TNPO2: variants seen among roughly 807,000 people sequenced by gnomAD.
The protein encoded by TNPO2 is transportin-2.
A neutral mutation model predicts 111.1 loss-of-function variants in TNPO2; 16 were observed. The ratio of observed to expected loss-of-function variants is 0.14; its 90% CI spans 0.10 to 0.22. TNPO2 has a LOEUF of 0.22. Ranked by LOEUF, TNPO2 falls within the 10% of genes least tolerant of loss-of-function variation. The pLI is 1.00. For synonymous variants in TNPO2, 481 were observed against 475.8 expected (o/e 1.01, Z -0.14); for missense variants, 530 against 1,173.7 (o/e 0.45, Z 8.01).
chr19:12,714,376 G>A (rs139690189), intron 10 of TNPO2, among the ~76,000 whole-genome samples: 1,568 of 149,434 alleles, frequency 0.01, 29 homozygotes, highest in African/African-American at 0.037. Flanking sequence ...GCAGTGGCAC[G>A]ACCTTGGCTC....
Position 12,721,826 on chromosome 19 carries a change from CG to C in TNPO2, c.-13-837del, listed in dbSNP as rs1966978722. On this transcript the variant is annotated intron_variant, in intron 2 of 25. Transcript: ENST00000425528. This position sits in a 1 kb window ranked among gnomAD's most constrained non-coding sequence, Gnocchi z 4.9. ...CCCTGTCAGCAGTAACCCCTGCTGA[CG>C]GATCTCTGTTGCCTCTCCCAGTCAA... The C allele has an allele frequency of 1.3e-5, 2 of 153,766 alleles. No individual in the cohort carries two copies. The highest frequency in any genetic ancestry group is 2.9e-5 in the Non-Finnish European group (2 of 68,936). 9.5% of individuals were successfully genotyped at this position (153,766 alleles called of 1,614,324 possible). A position where few individuals can be genotyped will look rare whatever the true frequency, so the allele number is the denominator to read the frequency against.
Position 12,705,525 on chromosome 19 carries a change from G to A in TNPO2, c.1830C>T (p.Val610=). 2 of 1,603,558 alleles carry A rather than the reference G, an allele frequency of 1.2e-6. No individual in the cohort carries two copies. The highest frequency in any genetic ancestry group is 1.7e-6 in the Non-Finnish European group (2 of 1,175,718). ...GAGCCAGTGTCTTCTGCACCAGGGT[G>A]ACACAGCGCTGGTAGACGGGCTCAC... ...PYCEPVYQRC[V]TLVQKTLAQA... Residue 610 remains valine, a synonymous_variant, in exon 17 of 26, where the codon GTC becomes GTT. Coordinates refer to ENST00000425528, the MANE Select transcript of TNPO2 (RefSeq NM_001382241.1). This position sits in a 1 kb window ranked among gnomAD's most constrained non-coding sequence, Gnocchi z 7.2.
chr19:12,716,326 C>CA (rs1053866820), intron 5 of TNPO2, among the ~76,000 whole-genome samples: 15 of 151,798 alleles, frequency 9.9e-5, no homozygotes, highest in African/African-American at 3.1e-4. Context: ...GATAAATTAG[C>CA]AAAAAAAACT....
chr19:12,711,047 A>G (rs1039871829), intron 12 of TNPO2, among the ~76,000 whole-genome samples: 3 of 152,042 alleles, frequency 2.0e-5, no homozygotes, highest in Admixed American at 2.0e-4. Flanking sequence ...GGCGCCCGAC[A>G]CCACGCCCGA....
chr19:12,717,268 C>CTTTT (rs554725285), intron 5 of TNPO2, among the ~76,000 whole-genome samples: 12 of 122,374 alleles, frequency 9.8e-5, no homozygotes, highest in Non-Finnish European at 1.0e-4. Flanking sequence ...CTTTTTCTCT[C>CTTTT]TTTTTTTTTT....
chr19:12,720,823 T>G, intron 3 of TNPO2, 56 bp downstream of exon 3: 1 of 1,534,194 alleles, frequency 6.5e-7, no homozygotes, highest in Non-Finnish European at 8.8e-7. Flanking sequence ...TCTCTGGCCT[T>G]TGGAAACTGC....
At position 12,715,800 on chromosome 19, in the gene TNPO2, C is replaced by T. The variant is rs372211922; in HGVS notation, c.326-61G>A. 6.6e-6 allele frequency: 9 copies of T among 1,356,416 alleles called. No individual in the cohort carries two copies. The African/African-American group carries it at 8.6e-5, about 13-fold the overall frequency. 84.0% of individuals were successfully genotyped at this position (1,356,416 alleles called of 1,614,324 possible). ...GGCAGGGGCTGCCTAGCACCTCCCCCTCCCACTGGACACCCCCAGTGCTGC... is the reference window on the plus strand; with the variant it reads ...GGCAGGGGCTGCCTAGCACCTCCCCTTCCCACTGGACACCCCCAGTGCTGC... On this transcript the variant is annotated intron_variant, in intron 5 of 25. Coordinates refer to ENST00000425528, the MANE Select transcript of TNPO2 (RefSeq NM_001382241.1). The surrounding 1 kb of genome is among the most constrained non-coding windows in gnomAD (Gnocchi z 7.1).
In TNPO2 at chr19:12,721,316, G is replaced by A. The variant is rs528193988; in HGVS notation, c.-13-326C>T. ...TGCCGCTGACCCCGGCTCCGAGCCC[G>A]AAGGCTTCCACCTCCCTCGCAGCGG... is the stretch of plus-strand genomic sequence containing the variant. On this transcript the variant is annotated intron_variant, in intron 2 of 25. Transcript: ENST00000425528. This position sits in a 1 kb window ranked among gnomAD's most constrained non-coding sequence, Gnocchi z 4.9. 1.6e-5 allele frequency: 21 copies of A among 1,284,516 alleles called. No individual in the cohort carries two copies. The highest frequency in any genetic ancestry group is 2.8e-5 in the Admixed American group (1 of 35,560). 79.6% of individuals were successfully genotyped at this position (1,284,516 alleles called of 1,614,324 possible).
rs913131699 is a variant in TNPO2, at chr19:12,705,691, G to A, written c.1746C>T (p.Pro582=). 2.6e-6 allele frequency: 4 copies of A among 1,526,930 alleles called. No homozygotes were observed. The highest frequency in any genetic ancestry group is 3.5e-6 in the Non-Finnish European group (4 of 1,131,936). 94.6% of individuals were successfully genotyped at this position (1,526,930 alleles called of 1,614,324 possible). ...ELKDEDKDLF[P]LLECLSSVAT... ...GCAGGAGCCCACTCACCTCCAGCAG[G>A]GGGAAGAGGTCCTTGTCTTCGTCCT... The change falls in exon 16 of 26, where the codon CCC becomes CCT. Residue 582 remains proline (P), a synonymous_variant. Transcript: ENST00000425528. This position sits in a 1 kb window ranked among gnomAD's most constrained non-coding sequence, Gnocchi z 7.2.
intron 5 of TNPO2, among the ~76,000 whole-genome samples, chr19:12,717,989 A>T (rs1352861778): frequency 1.3e-5 from 2 of 151,368 alleles, no homozygotes; most frequent in African/African-American, 4.9e-5. Flanking sequence ...GCCAGAAGTC[A>T]TTTTTTTTGT....
At position 12,702,387 on chromosome 19, in the gene TNPO2, GT is replaced by G. The variant is rs751522651; in HGVS notation, c.2306-211del. On this transcript the variant is annotated intron_variant, in intron 21 of 25. Transcript: ENST00000425528. The surrounding 1 kb of genome is among the most constrained non-coding windows in gnomAD (Gnocchi z 5.5). ...TTTCTTTCCTTTCCCTTTCCTTTTTGTTTTTTTTTGTTTTGTTTTGTTTTTG... is the reference window on the plus strand; with the variant it reads ...TTTCTTTCCTTTCCCTTTCCTTTTTGTTTTTTTTGTTTTGTTTTGTTTTTG... 30 of 666,748 alleles carry G rather than the reference GT, an allele frequency of 4.5e-5. No homozygotes were observed. Among genetic ancestry groups the G allele is most frequent in the Admixed American group, 8.5e-5 (4 of 46,956 alleles). 41.3% of individuals were successfully genotyped at this position (666,748 alleles called of 1,614,324 possible).
Position 12,705,858 on chromosome 19 carries a change from G to T in TNPO2, c.1669-90C>A. ...GTTGCCCGAGTGATGAGGCCTGAGCGCCTCACCGTGGCTCATGGGACCCTG... is the reference window on the plus strand; with the variant it reads ...GTTGCCCGAGTGATGAGGCCTGAGCTCCTCACCGTGGCTCATGGGACCCTG... On this transcript the variant is annotated intron_variant, in intron 15 of 25. Transcript: ENST00000425528. The surrounding 1 kb of genome is among the most constrained non-coding windows in gnomAD (Gnocchi z 7.2). The T allele has an allele frequency of 1.0e-6, 1 of 974,594 alleles. No homozygotes were observed. The highest frequency in any genetic ancestry group is 1.5e-6 in the Non-Finnish European group (1 of 673,770). The allele number at this position is 974,594 out of a possible 1,614,324, so 60.4% of individuals were successfully genotyped here. A position where few individuals can be genotyped will look rare whatever the true frequency, so the allele number is the denominator to read the frequency against.
chr19:12,719,954 C>CTTTT lies in TNPO2; in HGVS notation c.100-622_100-619dup, dbSNP rs780055881. 0.026 allele frequency among the ~76,000 whole-genome samples: 3,702 copies of CTTTT among 141,402 alleles called. 146 individuals carry two copies. The highest frequency in any genetic ancestry group is 0.09 in the African/African-American group (3,462 of 38,486). The allele number at this position is 141,402 out of a possible 152,430, so 92.8% of individuals were successfully genotyped here. ...GATCCCCACTAACAGGCCATGAAGA[C>CTTTT]TTTTTTTTTTTTTTTAAAAGAGGGA... On this transcript the variant is annotated intron_variant, in intron 3 of 25. Transcript: ENST00000425528. The surrounding 1 kb of genome is among the most constrained non-coding windows in gnomAD (Gnocchi z 5.0).
intron 10 of TNPO2, among the ~76,000 whole-genome samples, chr19:12,713,430 A>G (rs892078057): frequency 6.6e-6 from 1 of 151,920 alleles, no homozygotes; most frequent in African/African-American, 2.4e-5. Flanking sequence ...GCCTGAGCCC[A>G]TAAGTTTGAG....
chr19:12,715,732 G>A lies in TNPO2; in HGVS notation c.333C>T (p.Leu111=), dbSNP rs1331329001. The change falls in exon 6 of 26, where the codon CTC becomes CTT. Residue 111 remains leucine, a synonymous_variant. Transcript: ENST00000425528. The surrounding 1 kb of genome is among the most constrained non-coding windows in gnomAD (Gnocchi z 7.1). ...SSLIRATIGI[L]ITTIASKGEL... is the part of the protein sequence containing the mutation. ...CACCCTTGGAAGCGATGGTGGTGAT[G>A]AGAATGCCTGGGGCGGCCGGGAAAG... The A allele has an allele frequency of 3.7e-6, 6 of 1,610,940 alleles. No individual in the cohort carries two copies. The highest frequency in any genetic ancestry group is 4.5e-5 in the East Asian group (2 of 44,784).
Position 12,705,177 on chromosome 19 carries a change from T to C in TNPO2, c.2022+63A>G. The C allele has an allele frequency of 6.6e-7, 1 of 1,520,254 alleles. No homozygotes were observed. The highest frequency in any genetic ancestry group is 8.9e-7 in the Non-Finnish European group (1 of 1,119,840). The allele number at this position is 1,520,254 out of a possible 1,614,324, so 94.2% of individuals were successfully genotyped here. On this transcript the variant is annotated intron_variant, in intron 18 of 25. Coordinates refer to ENST00000425528, the MANE Select transcript of TNPO2 (RefSeq NM_001382241.1). This position sits in a 1 kb window ranked among gnomAD's most constrained non-coding sequence, Gnocchi z 7.2. ...CCTTTGGGCACAACCAGGCCCTGAC[T>C]CCCCACCAGGGGCAGCCCACGCAGG...
intron 2 of TNPO2, 73 bp downstream of exon 2, chr19:12,723,176 G>T (rs557607926): frequency 6.6e-6 from 1 of 152,274 alleles, no homozygotes; most frequent in African/African-American, 2.4e-5. Context: ...AAGCCACAAG[G>T]ATATAAATTT....
chr19:12,719,946 C>A lies in TNPO2; in HGVS notation c.100-610G>T, dbSNP rs2026579552. Among the ~76,000 whole-genome samples the A allele has an allele frequency of 6.7e-6, 1 of 149,920 alleles. No individual in the cohort carries two copies. Among genetic ancestry groups the A allele is most frequent in the Non-Finnish European group, 1.5e-5 (1 of 67,930 alleles). ...TAGTCAGCGATCCCCACTAACAGGC[C>A]ATGAAGACTTTTTTTTTTTTTTTAA... On this transcript the variant is annotated intron_variant, in intron 3 of 25. Transcript: ENST00000425528. The surrounding 1 kb of genome is among the most constrained non-coding windows in gnomAD (Gnocchi z 5.0).
Position 12,721,445 on chromosome 19 carries a change from G to A in TNPO2, c.-13-455C>T. 1 of 520,098 alleles carries A rather than the reference G, an allele frequency of 1.9e-6. No individual in the cohort carries two copies. The allele number at this position is 520,098 out of a possible 1,614,324, so 32.2% of individuals were successfully genotyped here. On this transcript the variant is annotated intron_variant, in intron 2 of 25. Transcript: ENST00000425528. This position sits in a 1 kb window ranked among gnomAD's most constrained non-coding sequence, Gnocchi z 4.9. Reference sequence around the variant, plus strand: ...TCTATGCAGGCACAGTCCCTGAAGAGTCCCCTTCCCCCGACACTCTGCCCT... The same window carrying A: ...TCTATGCAGGCACAGTCCCTGAAGAATCCCCTTCCCCCGACACTCTGCCCT...
Sources: gnomAD v4.1 joint callset for allele counts (sites outside exome capture counted in the v4.1 genomes callset) on GRCh38, gnomAD v4.1.1 for gene constraint, Gnocchi (gnomAD v3.1) non-coding constraint, MANE v1.5 for transcripts, NCBI Gene and HGNC (gene_info 2026-07-23, HGNC 2026-07-21) for gene names.